The following DCC variants were observed in gnomAD, a reference collection of about 807,000 sequenced individuals.
DCC encodes DCC netrin 1 receptor.
In DCC, 58 loss-of-function variants were observed where a neutral mutation model predicts 172.5. That is an observed-to-expected ratio of 0.34 (90% confidence interval 0.27 to 0.42). The LOEUF (loss-of-function observed/expected upper bound fraction) is 0.42, where lower values mean the gene tolerates loss of function less well. Among genes scored for constraint, DCC ranks in the 10% least tolerant of loss-of-function variants. The pLI, the probability that DCC is intolerant of heterozygous loss-of-function variation, is 1.00. For missense variants in DCC, 1,740 were observed against 1,791.0 expected (o/e 0.97, Z 0.51); for synonymous variants, 709 against 644.5 (o/e 1.10, Z -1.52).
chr18:53,017,196 C>T (rs1183582273), intron 5 of DCC, among the ~76,000 whole-genome samples: 2 of 152,006 alleles, frequency 1.3e-5, no homozygotes, highest in African/African-American at 2.4e-5. Context: ...CTGCCTCAGC[C>T]TCCCGCGTAG....
At chr18:53,019,312 C>A (rs1156247003) in intron 5 of DCC, among the ~76,000 whole-genome samples, 1 of 152,056 alleles carries the variant, frequency 6.6e-6, no homozygotes, top group Non-Finnish European at 1.5e-5. Flanking sequence ...AAAGTCAACA[C>A]CTTTTATTTT....
intron 25 of DCC, among the ~76,000 whole-genome samples, chr18:53,472,927 A>G (rs1273505708): frequency 2.0e-5 from 3 of 152,204 alleles, no homozygotes; most frequent in African/African-American, 7.2e-5. Flanking sequence ...CTATCCTTAT[A>G]TGTACCCAGA....
At chr18:52,634,895 C>G (rs950222552) in intron 1 of DCC, among the ~76,000 whole-genome samples, 3 of 152,096 alleles carry the variant, frequency 2.0e-5, no homozygotes, top group Admixed American at 6.5e-5. Flanking sequence ...GTAAAATTAT[C>G]TATCTTGGCT....
chr18:53,361,997 A>G (rs1449843815), intron 15 of DCC, among the ~76,000 whole-genome samples: 1 of 152,194 alleles, frequency 6.6e-6, no homozygotes, highest in Non-Finnish European at 1.5e-5. Flanking sequence ...GCTTGAAGAA[A>G]TGGGGCAGAA....
At chr18:52,842,847 A>G (rs2038828903) in intron 2 of DCC, among the ~76,000 whole-genome samples, 1 of 152,204 alleles carries the variant, frequency 6.6e-6, no homozygotes, top group South Asian at 2.1e-4. Context: ...GAATGAAGGA[A>G]AAAAATAATT....
At chr18:53,306,139 A>G (rs894689883) in intron 13 of DCC, among the ~76,000 whole-genome samples, 4 of 152,208 alleles carry the variant, frequency 2.6e-5, no homozygotes, top group Non-Finnish European at 5.9e-5. Flanking sequence ...GTAGATTGTA[A>G]AACAAAGAGA....
At chr18:53,344,464 C>G (rs933864264) in intron 15 of DCC, among the ~76,000 whole-genome samples, 1 of 105,068 alleles carries the variant, frequency 9.5e-6, no homozygotes, top group African/African-American at 3.5e-5. Context: ...TTTTTTTGAG[C>G]CACAGTCTCA....
At chr18:52,500,515 C>T (rs573039195) in intron 1 of DCC, among the ~76,000 whole-genome samples, 21 of 152,256 alleles carry the variant, frequency 1.4e-4, no homozygotes, top group Non-Finnish European at 2.5e-4. Flanking sequence ...GAATGCCAAA[C>T]AAGCTTCCTT....
chr18:53,136,742 G>A (rs1054071434), intron 7 of DCC, among the ~76,000 whole-genome samples: 1 of 152,030 alleles, frequency 6.6e-6, no homozygotes, highest in Non-Finnish European at 1.5e-5. Context: ...ATTGTGTATG[G>A]GCACAGTTTG....
intron 5 of DCC, among the ~76,000 whole-genome samples, chr18:52,969,412 C>T (rs1409195317): frequency 6.6e-6 from 1 of 152,156 alleles, no homozygotes; most frequent in East Asian, 1.9e-4. Context: ...GGTAACGTCT[C>T]AGTGTCATTC....
At chr18:52,702,603 C>T (rs1464464275) in intron 1 of DCC, among the ~76,000 whole-genome samples, 1 of 151,978 alleles carries the variant, frequency 6.6e-6, no homozygotes, top group Non-Finnish European at 1.5e-5. Context: ...ACTGGACTCC[C>T]TTCATTATTT....
chr18:52,802,687 G>A (rs1319145192), intron 2 of DCC, among the ~76,000 whole-genome samples: 1 of 64,712 alleles, frequency 1.5e-5, no homozygotes, highest in Admixed American at 2.4e-4. Flanking sequence ...TTTTTTTAAT[G>A]GAGACACAGG....
At chr18:52,939,078 A>C (rs1335907566) in intron 5 of DCC, among the ~76,000 whole-genome samples, 1 of 152,138 alleles carries the variant, frequency 6.6e-6, no homozygotes, top group Non-Finnish European at 1.5e-5. Flanking sequence ...ACATCCTACA[A>C]ACCACTGTGG....
At chr18:53,472,244 G>A (rs1447535530) in intron 25 of DCC, among the ~76,000 whole-genome samples, 1 of 152,156 alleles carries the variant, frequency 6.6e-6, no homozygotes, top group Non-Finnish European at 1.5e-5. Flanking sequence ...GAGAAGAAAG[G>A]ATTGGAGAGT....
At chr18:52,718,372 T>C (rs998400385) in intron 1 of DCC, among the ~76,000 whole-genome samples, 1 of 152,248 alleles carries the variant, frequency 6.6e-6, no homozygotes, top group African/African-American at 2.4e-5. Context: ...ATTTTTTTCC[T>C]TGCAAAAATC....
At chr18:53,495,443 G>GC (rs1414408680) in intron 26 of DCC, among the ~76,000 whole-genome samples, 4 of 151,550 alleles carry the variant, frequency 2.6e-5, no homozygotes, top group Non-Finnish European at 5.9e-5. Flanking sequence ...TTGAATATTG[G>GC]CCCCCACTCT....
intron 22 of DCC, among the ~76,000 whole-genome samples, chr18:53,446,374 T>C (rs1912615074): frequency 6.6e-6 from 1 of 152,092 alleles, no homozygotes; most frequent in Non-Finnish European, 1.5e-5. Context: ...GTGGTGCAAC[T>C]ATTATCTCAT....
At chr18:52,526,191 G>A (rs557055110) in intron 1 of DCC, among the ~76,000 whole-genome samples, 3 of 152,272 alleles carry the variant, frequency 2.0e-5, no homozygotes, top group Admixed American at 6.5e-5. Flanking sequence ...ATCTGACAGG[G>A]AACAAAATTT....
At chr18:53,455,964 T>G (rs541866974) in intron 23 of DCC, among the ~76,000 whole-genome samples, 1 of 152,240 alleles carries the variant, frequency 6.6e-6, no homozygotes, top group Non-Finnish European at 1.5e-5. Flanking sequence ...AAATAAGTGT[T>G]GTAAAACAAT....
Sources: gnomAD v4.1 joint callset for allele counts (sites outside exome capture counted in the v4.1 genomes callset) on GRCh38, gnomAD v4.1.1 for gene constraint, MANE v1.5 for transcripts, NCBI Gene and HGNC (gene_info 2026-07-23, HGNC 2026-07-21) for gene names.